The following CDKN2B-AS1 variants were observed in gnomAD, a reference collection of about 807,000 sequenced individuals.
CDKN2B-AS1 encodes CDKN2B antisense RNA 1 (non-protein coding).
chr9:22,008,670 C>A, intron 1 of CDKN2B-AS1: 1 of 1,607,336 alleles, frequency 6.2e-7, no homozygotes. Flanking sequence ...GCGTGGAATG[C>A]ACACCTCCGG....
chr9:22,091,415 G>C (rs1342415259), intron 4 of CDKN2B-AS1, among the ~76,000 whole-genome samples: 1 of 152,118 alleles, frequency 6.6e-6, no homozygotes, highest in Admixed American at 6.5e-5. Context: ...AATTACTTTG[G>C]GCAGTATGGC....
chr9:22,027,055 C>T (rs890761898), intron 1 of CDKN2B-AS1, among the ~76,000 whole-genome samples: 1 of 152,048 alleles, frequency 6.6e-6, no homozygotes, highest in African/African-American at 2.4e-5. Context: ...AATGAGAGTA[C>T]CTTAATGTTT....
Position 22,005,896 on chromosome 9 carries a change from C to A in CDKN2B-AS1, n.29+10735C>A. The A allele has an allele frequency of 6.6e-7, 1 of 1,522,524 alleles. No homozygotes were observed. The highest frequency in any genetic ancestry group is 8.9e-7 in the Non-Finnish European group (1 of 1,128,728). The allele number at this position is 1,522,524 out of a possible 1,614,324, so 94.3% of individuals were successfully genotyped here. A position where few individuals can be genotyped will look rare whatever the true frequency, so the allele number is the denominator to read the frequency against. ...GCAGGCTTACAGGCTTTCCGCCGCT[C>A]CCCGTTGGCAGCCTTCATCGAATTA... is the stretch of plus-strand genomic sequence containing the variant. On this transcript the variant is annotated intron_variant and non_coding_transcript_variant, in intron 1 of 4. Coordinates refer to ENST00000650946, the Ensembl canonical transcript of CDKN2B-AS1. The surrounding 1 kb of genome is among the most constrained non-coding windows in gnomAD (Gnocchi z 4.9).
intron 1 of CDKN2B-AS1, among the ~76,000 whole-genome samples, chr9:22,026,632 C>T (rs749635763): frequency 2.6e-5 from 4 of 152,216 alleles, no homozygotes; most frequent in Non-Finnish European, 5.9e-5. Flanking sequence ...CTCTGCTGAT[C>T]TCGCTGGATT....
chr9:22,002,236 A>G (rs996312655), intron 1 of CDKN2B-AS1, among the ~76,000 whole-genome samples: 4 of 152,234 alleles, frequency 2.6e-5, no homozygotes, highest in African/African-American at 9.6e-5. Context: ...ACTGTACTTT[A>G]GAAGATACTG....
At chr9:22,069,232 T>C (rs1824190484) in intron 4 of CDKN2B-AS1, among the ~76,000 whole-genome samples, 1 of 152,262 alleles carries the variant, frequency 6.6e-6, no homozygotes, top group South Asian at 2.1e-4. Context: ...TCCTCTGGCA[T>C]AGTAACCTCT....
At position 22,008,384 on chromosome 9, in the gene CDKN2B-AS1, A is replaced by G. The variant is rs1821298754; in HGVS notation, n.29+13223A>G. 2.0e-5 allele frequency among the ~76,000 whole-genome samples: 3 copies of G among 152,336 alleles called. No homozygotes were observed. In the South Asian group the frequency reaches 6.2e-4, roughly 32 times the overall value. Reference sequence around the variant, plus strand: ...TTCATATAGTAGCTTAGAAGTTTACATTGATTTTTTCCATGTACTATGATT... The same window carrying G: ...TTCATATAGTAGCTTAGAAGTTTACGTTGATTTTTTCCATGTACTATGATT... On this transcript the variant is annotated intron_variant and non_coding_transcript_variant, in intron 1 of 4. Coordinates refer to ENST00000650946, the Ensembl canonical transcript of CDKN2B-AS1.
intron 4 of CDKN2B-AS1, among the ~76,000 whole-genome samples, chr9:22,084,185 A>G (rs191569032): frequency 5.3e-5 from 8 of 152,288 alleles, no homozygotes; most frequent in Non-Finnish European, 1.0e-4. Flanking sequence ...CACCCAAGGT[A>G]ATATAGTCAA....
intron 1 of CDKN2B-AS1, among the ~76,000 whole-genome samples, chr9:22,017,699 G>C (rs1821832306): frequency 1.3e-5 from 2 of 152,178 alleles, no homozygotes; most frequent in Non-Finnish European, 1.5e-5. Context: ...ACATATTGAA[G>C]TTATTAAGTT....
At position 22,005,881 on chromosome 9, in the gene CDKN2B-AS1, A is replaced by T; in HGVS notation, n.29+10720A>T. On this transcript the variant is annotated intron_variant and non_coding_transcript_variant, in intron 1 of 4. Transcript: ENST00000650946. This position sits in a 1 kb window ranked among gnomAD's most constrained non-coding sequence, Gnocchi z 4.9. ...GTCTCAGACAGGCTTGCAGGCTTAC[A>T]GGCTTTCCGCCGCTCCCCGTTGGCA... is the stretch of plus-strand genomic sequence containing the variant. The T allele has an allele frequency of 6.9e-7, 1 of 1,452,020 alleles. No homozygotes were observed. Among genetic ancestry groups the T allele is most frequent in the East Asian group, 2.4e-5 (1 of 41,170 alleles). 89.9% of individuals were successfully genotyped at this position (1,452,020 alleles called of 1,614,324 possible). A position where few individuals can be genotyped will look rare whatever the true frequency, so the allele number is the denominator to read the frequency against.
At chr9:22,065,359 C>T (rs1435982485) in intron 4 of CDKN2B-AS1, among the ~76,000 whole-genome samples, 1 of 152,176 alleles carries the variant, frequency 6.6e-6, no homozygotes, top group African/African-American at 2.4e-5. Context: ...GTCTAGTTTT[C>T]CAGGTCTCCC....
intron 4 of CDKN2B-AS1, among the ~76,000 whole-genome samples, chr9:22,073,767 A>T (rs764466666): frequency 2.6e-5 from 4 of 152,130 alleles, no homozygotes; most frequent in African/African-American, 4.8e-5. Flanking sequence ...TGTTCCTTTG[A>T]CTGTTCTTAC....
chr9:22,033,991 T>G (rs1822583612), intron 1 of CDKN2B-AS1, among the ~76,000 whole-genome samples: 2 of 152,214 alleles, frequency 1.3e-5, no homozygotes, highest in South Asian at 4.1e-4. Context: ...AACCCAAGTA[T>G]GCTTGATTCC....
intron 1 of CDKN2B-AS1, among the ~76,000 whole-genome samples, chr9:22,034,129 G>A (rs1021346734): frequency 1.3e-5 from 2 of 152,170 alleles, no homozygotes; most frequent in Admixed American, 1.3e-4. Flanking sequence ...TTGAACATGT[G>A]GTGGGATAGA....
chr9:22,023,324 T>G (rs1822088496), intron 1 of CDKN2B-AS1, among the ~76,000 whole-genome samples: 1 of 152,220 alleles, frequency 6.6e-6, no homozygotes, highest in African/African-American at 2.4e-5. Flanking sequence ...TTATTCATTT[T>G]TATTCTTTTT....
At chr9:22,058,038 AAAAAAATTAGCCAGG>A (rs1823646468) in intron 4 of CDKN2B-AS1, among the ~76,000 whole-genome samples, 1 of 55,650 alleles carries the variant, frequency 1.8e-5, no homozygotes, top group Non-Finnish European at 4.3e-5. Flanking sequence ...ATTTGCTTGA[AAAAAAATTAGCCAGG>A]TGTGGTGGTG....
chr9:22,010,223 T>A (rs1821429913), intron 1 of CDKN2B-AS1, among the ~76,000 whole-genome samples: 1 of 152,248 alleles, frequency 6.6e-6, no homozygotes, highest in Admixed American at 6.5e-5. Flanking sequence ...TCTGAAGATT[T>A]AAATGCCAAG....
At chr9:22,064,356 A>G (rs1235960943) in intron 4 of CDKN2B-AS1, among the ~76,000 whole-genome samples, 1 of 152,164 alleles carries the variant, frequency 6.6e-6, no homozygotes, top group Non-Finnish European at 1.5e-5. Flanking sequence ...TCTGTGTCAG[A>G]TGAAATACAC....
intron 4 of CDKN2B-AS1, chr9:22,118,478 C>G (rs1158989857): frequency 6.6e-6 from 1 of 152,138 alleles, no homozygotes; most frequent in Non-Finnish European, 1.5e-5. Context: ...AACCTGTTTT[C>G]CTGTCATCAT....
Sources: gnomAD v4.1 joint callset for allele counts (sites outside exome capture counted in the v4.1 genomes callset) on GRCh38, gnomAD v4.1.1 for gene constraint, Gnocchi (gnomAD v3.1) non-coding constraint, MANE v1.5 for transcripts, NCBI Gene and HGNC (gene_info 2026-07-23, HGNC 2026-07-21) for gene names.